Variants in SFTPB observed in about 807,000 individuals in gnomAD.
SFTPB encodes the protein surfactant protein B.
Under a neutral mutation model 51.0 loss-of-function variants are expected in SFTPB, and 32 were observed. That is an observed-to-expected ratio of 0.63 (90% CI 0.47 to 0.84). SFTPB has a LOEUF of 0.84. Ranked by LOEUF, SFTPB falls within the 40% of genes least tolerant of loss-of-function variation. SFTPB has a pLI of 0.00. For missense variants in SFTPB, 431 were observed against 491.2 expected (o/e 0.88, Z 1.16); for synonymous variants, 211 against 208.5 (o/e 1.01, Z -0.10).
intron 1 of SFTPB, 36 bp downstream of exon 1, chr2:85,668,081 A>T: frequency 6.7e-7 from 1 of 1,485,918 alleles, no homozygotes; most frequent in Non-Finnish European, 9.2e-7. Context: ...TGAGTGGTGG[A>T]GCTGCCTAGG....
intron 10 of SFTPB, among the ~76,000 whole-genome samples, chr2:85,660,972 C>T (rs1031152340): frequency 7.9e-5 from 12 of 152,172 alleles, no homozygotes; most frequent in Non-Finnish European, 1.5e-4. Context: ...TAAGGTGCTC[C>T]GCTGACTTAG....
intron 6 of SFTPB, among the ~76,000 whole-genome samples, chr2:85,664,473 C>CT (rs1218054056): frequency 2.0e-4 from 31 of 151,416 alleles, no homozygotes; most frequent in African/African-American, 5.1e-4. Flanking sequence ...TTCCTTCTTT[C>CT]TTTTTTTTTG....
Position 85,663,494 on chromosome 2 carries a change from G to T in SFTPB, c.857-3C>A. ...CAGCCATTCTCCTGTCGGCGACCCT[G>T]GAGATGTGAGCATTAGGGGGAAAGC... On this transcript the variant is annotated splice_polypyrimidine_tract_variant and splice_region_variant and intron_variant, in intron 7 of 10. Coordinates refer to ENST00000519937, the MANE Select transcript of SFTPB (RefSeq NM_000542.5). 1 of 1,613,672 alleles carries T rather than the reference G, an allele frequency of 6.2e-7. No homozygotes were observed.
chr2:85,661,069 G>A (rs973770927), intron 10 of SFTPB: 4 of 225,676 alleles, frequency 1.8e-5, no homozygotes, highest in East Asian at 1.1e-4. Flanking sequence ...ATACAGCTTC[G>A]GGTAGCAAAG....
At position 85,657,898 on chromosome 2, in the gene SFTPB, G is replaced by A. The variant is rs1178164744; in HGVS notation, c.*1804C>T. On this transcript the variant is annotated 3_prime_UTR_variant, in exon 11 of 11. Coordinates refer to ENST00000519937, the MANE Select transcript of SFTPB (RefSeq NM_000542.5). ...TACCTTCTTAAGGGTGCGGGGGTGC[G>A]GGCGTGGGGTGGGTGGGGAGAATAT... is the stretch of plus-strand genomic sequence containing the variant. The A allele has an allele frequency of 2.6e-5, 4 of 152,044 alleles. No homozygotes were observed. Among genetic ancestry groups the A allele is most frequent in the African/African-American group, 4.8e-5 (2 of 41,380 alleles). 9.4% of individuals were successfully genotyped at this position (152,044 alleles called of 1,614,324 possible).
At position 85,665,299 on chromosome 2, in the gene SFTPB, A is replaced by G. The variant is rs765510340; in HGVS notation, c.662T>C (p.Met221Thr). Residue 221 changes from methionine (M) to threonine (T), a missense_variant, in exon 6 of 11, where the codon ATG (methionine) becomes ACG (threonine). By Grantham distance (81) the Met-to-Thr change is moderately conservative (BLOSUM62 -1). Transcript: ENST00000519937. ...CRALIKRIQA[M>T]IPKGALAVAV... ...CCCTGGATGCCTCACCTTGGGAATC[A>G]TGGCTTGGATCCGCTTGATCAGAGC... 6.2e-7 allele frequency: 1 copy of G among 1,613,814 alleles called. No homozygotes were observed. The highest frequency in any genetic ancestry group is 1.1e-5 in the South Asian group (1 of 91,076).
At chr2:85,665,443 C>G (rs531436978) in intron 5 of SFTPB, 65 bp from the exon 6 acceptor site, 4 of 1,466,040 alleles carry the variant, frequency 2.7e-6, no homozygotes, top group South Asian at 1.1e-5. Flanking sequence ...GGCTCTCCTC[C>G]CCTCTCTCTT....
At chr2:85,660,128 T>C (rs1026285015) in intron 10 of SFTPB, among the ~76,000 whole-genome samples, 9 of 150,604 alleles carry the variant, frequency 6.0e-5, no homozygotes, top group African/African-American at 2.2e-4. Context: ...ACTACTTTTT[T>C]TTTTTTTTTT....
rs1677683859 is a variant in SFTPB, at chr2:85,667,038, C to T, written c.267+68G>A. 2.8e-6 allele frequency: 4 copies of T among 1,412,412 alleles called. No homozygotes were observed. The South Asian group carries it at 4.6e-5, about 16-fold the overall frequency. The allele number at this position is 1,412,412 out of a possible 1,614,324, so 87.5% of individuals were successfully genotyped here. ...CTGGAAATGGCCCCTTTAGGGGGCT[C>T]AGCTCTTCCCTGCTCTGTCCCTCAT... is the stretch of plus-strand genomic sequence containing the variant. On this transcript the variant is annotated intron_variant, in intron 3 of 10. Transcript: ENST00000519937.
rs1305400662 is a variant in SFTPB, at chr2:85,662,031, G to C, written c.1081C>G (p.Gln361Glu). Residue 361 changes from glutamine to glutamate, a missense_variant and splice_region_variant, in exon 9 of 11, where the codon CAG becomes GAG. Coordinates refer to ENST00000519937, the MANE Select transcript of SFTPB (RefSeq NM_000542.5). Reference protein sequence around the residue: ...PRGWDAHTTCQALGVCGTMSS... With the variant: ...PRGWDAHTTCEALGVCGTMSS... ...CCAACTGGGAGGGGTGGGTGTACCT[G>C]GCAGGTGGTGTGGGCATCCCAGCCC... 1.8e-5 allele frequency: 28 copies of C among 1,596,256 alleles called. No individual in the cohort carries two copies. Among genetic ancestry groups the C allele is most frequent in the Non-Finnish European group, 2.4e-5 (28 of 1,173,282 alleles).
chr2:85,662,180 C>A, intron 8 of SFTPB, 71 bp from the exon 9 acceptor site: 2 of 1,557,514 alleles, frequency 1.3e-6, no homozygotes, highest in South Asian at 1.2e-5. Flanking sequence ...CCTGGCCTCT[C>A]CACATCTCTG....
In SFTPB at chr2:85,667,892, T is replaced by G. The variant is rs1039968884; in HGVS notation, c.68-86A>C. Reference sequence around the variant, plus strand: ...TTTCACCCACCCTCTAGACCCAGTTTTGCTGGGAGTGTGAGGCCATTAAAC... The same window carrying G: ...TTTCACCCACCCTCTAGACCCAGTTGTGCTGGGAGTGTGAGGCCATTAAAC... On this transcript the variant is annotated intron_variant, in intron 1 of 10. Transcript: ENST00000519937. 3.1e-4 allele frequency: 496 copies of G among 1,581,146 alleles called. 2 individuals carry two copies. Among genetic ancestry groups the G allele is most frequent in the Non-Finnish European group, 2.7e-5 (31 of 1,157,612 alleles).
At chr2:85,666,989 A>G (rs1362093064) in intron 3 of SFTPB, 117 bp downstream of exon 3, 3 of 1,027,374 alleles carry the variant, frequency 2.9e-6, no homozygotes, top group Non-Finnish European at 4.5e-6. Context: ...GGGACTTCCC[A>G]GGCACCCAGG....
chr2:85,661,068 C>T (rs963744016), intron 10 of SFTPB: 7 of 224,668 alleles, frequency 3.1e-5, no homozygotes, highest in South Asian at 6.3e-5. Context: ...GATACAGCTT[C>T]GGGTAGCAAA....
chr2:85,666,769 TG>T (rs781658805), intron 3 of SFTPB, 27 bp from the exon 4 acceptor site: 8 of 1,613,382 alleles, frequency 5.0e-6, no homozygotes, highest in Non-Finnish European at 6.8e-6. Context: ...GGCCGTCAGC[TG>T]GGCCTCTCTG....
At chr2:85,660,444 CTT>C (rs67187198) in intron 10 of SFTPB, among the ~76,000 whole-genome samples, 4 of 97,460 alleles carry the variant, frequency 4.1e-5, no homozygotes, top group Non-Finnish European at 5.7e-5. Context: ...AAAGAAATAC[CTT>C]TTTTTTTTTT....
At chr2:85,667,646 C>T in intron 2 of SFTPB, 33 bp downstream of exon 2, 2 of 1,614,196 alleles carry the variant, frequency 1.2e-6, no homozygotes, top group Non-Finnish European at 1.7e-6. Context: ...CATTTCAGAC[C>T]CCCAGTTGCC....
In SFTPB at chr2:85,666,686, G is replaced by A. The variant is rs1254253649; in HGVS notation, c.324C>T (p.Leu108=). 14 of 1,613,874 alleles carry A rather than the reference G, an allele frequency of 8.7e-6. No homozygotes were observed. The highest frequency in any genetic ancestry group is 1.1e-5 in the Non-Finnish European group (13 of 1,179,868). Residue 108 remains leucine (L), a synonymous_variant, in exon 4 of 11, where the codon CTC becomes CTT. Coordinates refer to ENST00000519937, the MANE Select transcript of SFTPB (RefSeq NM_000542.5). Reference sequence around the variant, plus strand: ...CAAGCACTTGGTTGCACTGGGGCATGAGCAGCTTCAAGGGGAGGACGTTGC... The same window carrying A: ...CAAGCACTTGGTTGCACTGGGGCATAAGCAGCTTCAAGGGGAGGACGTTGC... ...QECNVLPLKL[L]MPQCNQVLDD...
At chr2:85,662,358 A>AGCTGAGGGGAG (rs1677348731) in intron 8 of SFTPB, 3 of 1,226,370 alleles carry the variant, frequency 2.4e-6, no homozygotes, top group African/African-American at 1.5e-5. Flanking sequence ...AATCTCAGCC[A>AGCTGAGGGGAG]CCACCCTCCC....
Sources: allele counts gnomAD v4.1 joint callset (sites outside exome capture counted in the v4.1 genomes callset), GRCh38; gene constraint gnomAD v4.1.1; transcripts MANE v1.5; gene names NCBI Gene and HGNC (gene_info 2026-07-23, HGNC 2026-07-21).